Variants in TCF12 observed in about 807,000 individuals in gnomAD.
The protein encoded by TCF12 is DNA-binding protein HTF4.
A neutral mutation model predicts 86.0 loss-of-function variants in TCF12; 45 were observed. The observed-to-expected ratio is 0.52, with a 90% CI of 0.41 to 0.67. The LOEUF (loss-of-function observed/expected upper bound fraction) is 0.67. Ranked by LOEUF, TCF12 falls within the 30% of genes least tolerant of loss-of-function variation. The pLI, the probability that TCF12 is intolerant of heterozygous loss-of-function variation, is 0.00. For synonymous variants in TCF12, 330 were observed against 299.6 expected, an observed-to-expected ratio of 1.10 and a Z score of -1.05; for missense variants, 881 against 859.9, an observed-to-expected ratio of 1.02 and a Z score of -0.31.
chr15:57,170,697 T>TA (rs1491363606), intron 6 of TCF12, among the ~76,000 whole-genome samples: 6 of 29,666 alleles, frequency 2.0e-4, no homozygotes, highest in East Asian at 8.3e-4. Flanking sequence ...ATAATATATA[T>TA]TATATATAAT....
intron 18 of TCF12, among the ~76,000 whole-genome samples, chr15:57,266,192 C>G (rs1341246744): frequency 6.6e-6 from 1 of 152,044 alleles, no homozygotes; most frequent in Non-Finnish European, 1.5e-5. Context: ...TCACTGCAGC[C>G]TCAGCCTCCC....
At chr15:57,157,091 C>G (rs2054162448) in intron 5 of TCF12, among the ~76,000 whole-genome samples, 1 of 152,152 alleles carries the variant, frequency 6.6e-6, no homozygotes, top group African/African-American at 2.4e-5. Flanking sequence ...ACTTGACTTT[C>G]TTTTTCTTTG....
In TCF12 at chr15:57,074,100, T is replaced by C. The variant is rs141084944; in HGVS notation, c.222+10277T>C. 2.8e-3 allele frequency among the ~76,000 whole-genome samples: 425 copies of C among 152,134 alleles called. 3 individuals are homozygous for C. The highest frequency in any genetic ancestry group is 9.6e-3 in the African/African-American group (398 of 41,496). On this transcript the variant is annotated intron_variant, in intron 4 of 20. Coordinates refer to ENST00000333725, the MANE Select transcript of TCF12 (RefSeq NM_207037.2). Reference sequence around the variant, plus strand: ...GCCATCTTACTTCTTATAAAAGCAGTAATTCGTATTTTATGTATTAAAATA... The same window carrying C: ...GCCATCTTACTTCTTATAAAAGCAGCAATTCGTATTTTATGTATTAAAATA...
intron 19 of TCF12, chr15:57,278,687 C>CCTCTCCCTCT: frequency 5.9e-6 from 1 of 169,992 alleles, no homozygotes; most frequent in Non-Finnish European, 1.2e-5. Context: ...ACCTTTCCTC[C>CCTCTCCCTCT]CTCTCCCTCT....
chr15:57,163,572 A>G (rs2054646675), intron 5 of TCF12, among the ~76,000 whole-genome samples: 1 of 151,940 alleles, frequency 6.6e-6, no homozygotes, highest in Non-Finnish European at 1.5e-5. Flanking sequence ...GCGTGTTGGC[A>G]AACACCTATG....
intron 8 of TCF12, among the ~76,000 whole-genome samples, chr15:57,225,580 G>A (rs1394531197): frequency 6.6e-6 from 1 of 151,950 alleles, no homozygotes; most frequent in Non-Finnish European, 1.5e-5. Context: ...ATGTATATAA[G>A]ATCAGTATTA....
At chr15:57,122,590 G>C (rs1279689981) in intron 5 of TCF12, among the ~76,000 whole-genome samples, 1 of 152,148 alleles carries the variant, frequency 6.6e-6, no homozygotes, top group Non-Finnish European at 1.5e-5. Context: ...AGATTTCTCT[G>C]ACTCCAAAGT....
chr15:56,962,883 G>T (rs1204284566), intron 3 of TCF12, among the ~76,000 whole-genome samples: 1 of 152,164 alleles, frequency 6.6e-6, no homozygotes, highest in Non-Finnish European at 1.5e-5. Flanking sequence ...TGCATTTAAT[G>T]ACTTTATTGT....
chr15:57,031,369 A>AG (rs1213941109), intron 3 of TCF12, among the ~76,000 whole-genome samples: 2 of 121,396 alleles, frequency 1.6e-5, no homozygotes, highest in Non-Finnish European at 3.5e-5. Context: ...AGGATTGTTT[A>AG]GCTTGAGGTT....
intron 3 of TCF12, among the ~76,000 whole-genome samples, chr15:57,035,080 G>A (rs2066423069): frequency 2.0e-5 from 3 of 151,996 alleles, no homozygotes; most frequent in African/African-American, 4.8e-5. Flanking sequence ...ATACTTTTAT[G>A]TGTATTTAAC....
chr15:56,928,409 A>G (rs1052182015), intron 3 of TCF12, among the ~76,000 whole-genome samples: 2 of 152,162 alleles, frequency 1.3e-5, no homozygotes, highest in African/African-American at 4.8e-5. Flanking sequence ...ATTATATACT[A>G]GGCATTGTGA....
rs1378118386 is a variant in TCF12, at chr15:57,106,881, T to TA, written c.325+14991dup. On this transcript the variant is annotated intron_variant, in intron 5 of 20. Coordinates refer to ENST00000333725, the MANE Select transcript of TCF12 (RefSeq NM_207037.2). ...TGACAGTGAGATATCCCTACACATG[T>TA]ATTAAAACAACCAAAATCCAAAACA... Among the ~76,000 whole-genome samples the TA allele has an allele frequency of 3.9e-5, 6 of 152,338 alleles. No individual in the cohort carries two copies. The East Asian group carries it at 1.2e-3, about 29-fold the overall frequency.
At chr15:57,207,784 T>C (rs1489900962) in intron 8 of TCF12, among the ~76,000 whole-genome samples, 1 of 152,160 alleles carries the variant, frequency 6.6e-6, no homozygotes, top group Non-Finnish European at 1.5e-5. Flanking sequence ...TTTGAAATCA[T>C]GATTTTCAGT....
At chr15:56,930,838 T>A (rs748589282) in intron 3 of TCF12, among the ~76,000 whole-genome samples, 1 of 152,190 alleles carries the variant, frequency 6.6e-6, no homozygotes, top group Non-Finnish European at 1.5e-5. Context: ...GCATGAAGTA[T>A]TTTGATGGCT....
chr15:57,192,914 A>G (rs1340706240), intron 7 of TCF12, among the ~76,000 whole-genome samples: 4 of 152,258 alleles, frequency 2.6e-5, no homozygotes, highest in Non-Finnish European at 5.9e-5. Flanking sequence ...TCAAACAGCC[A>G]GTGTAATACT....
intron 12 of TCF12, among the ~76,000 whole-genome samples, chr15:57,240,010 A>G (rs1197253326): frequency 6.6e-6 from 1 of 152,234 alleles, no homozygotes; most frequent in East Asian, 1.9e-4. Context: ...AGCACAGGGA[A>G]ATGAAAGAAT....
chr15:57,065,391 C>G (rs527463550), intron 4 of TCF12, among the ~76,000 whole-genome samples: 2 of 152,312 alleles, frequency 1.3e-5, no homozygotes, highest in East Asian at 1.9e-4. Context: ...TCCTTCCACT[C>G]TTAAACGTTT....
At chr15:57,125,369 T>C (rs368248381) in intron 5 of TCF12, among the ~76,000 whole-genome samples, 56 of 152,350 alleles carry the variant, frequency 3.7e-4, no homozygotes, top group African/African-American at 1.3e-3. Context: ...AATAAAATCA[T>C]ATGACTACTG....
intron 6 of TCF12, among the ~76,000 whole-genome samples, chr15:57,186,408 AG>A (rs2056668598): frequency 6.6e-6 from 1 of 152,178 alleles, no homozygotes; most frequent in African/African-American, 2.4e-5. Context: ...CTGAGGCCAG[AG>A]GATCACATGA....
Sources: allele counts gnomAD v4.1 joint callset (sites outside exome capture counted in the v4.1 genomes callset), GRCh38; gene constraint gnomAD v4.1.1; transcripts MANE v1.5; gene names NCBI Gene and HGNC (gene_info 2026-07-23, HGNC 2026-07-21).